ABCA3: variants seen among roughly 807,000 people sequenced by gnomAD.
ABCA3 encodes the protein phospholipid-transporting ATPase ABCA3.
In ABCA3, 88 loss-of-function variants were observed where a neutral mutation model predicts 172.8. The ratio of observed to expected loss-of-function variants is 0.51; its 90% CI spans 0.43 to 0.61. The LOEUF is 0.61. ABCA3 is among the 20% of genes least tolerant of loss of function. The probability of loss-of-function intolerance (pLI) is 0.00; values close to 1 mark genes in which losing one functional copy is unlikely to be tolerated. For missense variants in ABCA3, 2,164 were observed against 2,301.0 expected, an observed-to-expected ratio of 0.94 and a Z score of 1.22; for synonymous variants, 1,066 against 983.8, an observed-to-expected ratio of 1.08 and a Z score of -1.56.
In ABCA3 at chr16:2,279,712, T is replaced by A. The variant is rs2093652166; in HGVS notation, c.4360-582A>T. Among the ~76,000 whole-genome samples, 3 of 152,018 alleles carry A rather than the reference T, an allele frequency of 2.0e-5. No homozygotes were observed. The South Asian group carries it at 6.2e-4, about 32-fold the overall frequency. ...GAGACTGGATTTCTTTTTCTTTACC[T>A]TCCTTCTTTGGGGTTCTCAAGCTTC... On this transcript the variant is annotated intron_variant, in intron 28 of 32. Transcript: ENST00000301732. This position sits in a 1 kb window ranked among gnomAD's most constrained non-coding sequence, Gnocchi z 4.4.
rs1471406725 is a variant in ABCA3 at position 2,285,434 on chromosome 16, G to A, written c.3483+8C>T. On this transcript the variant is annotated splice_region_variant and intron_variant, in intron 23 of 32. Coordinates refer to ENST00000301732, the MANE Select transcript of ABCA3 (RefSeq NM_001089.3). The surrounding 1 kb of genome is among the most constrained non-coding windows in gnomAD (Gnocchi z 4.7). ...AGGGGAACGGATCCAGCACCCTCCG[G>A]CGCTCACCAGCAGCAGCAGACTGGG... The A allele has an allele frequency of 3.1e-6, 5 of 1,603,942 alleles. No homozygotes were observed. The highest frequency in any genetic ancestry group is 1.7e-5 in the Admixed American group (1 of 58,676).
At chr16:2,332,869 T>G in intron 1 of ABCA3, 1 of 545,070 alleles carries the variant, frequency 1.8e-6, no homozygotes, top group Non-Finnish European at 3.3e-6. Flanking sequence ...TGCCGTTGCG[T>G]GAGCAGGGCT....
chr16:2,337,078 A>ATT (rs879431925), intron 1 of ABCA3, among the ~76,000 whole-genome samples: 3 of 130,102 alleles, frequency 2.3e-5, no homozygotes, highest in Non-Finnish European at 3.3e-5. Context: ...ATACCTGGCT[A>ATT]TTTTTTTTTT....
At chr16:2,340,334 A>G (rs1454930191) in intron 1 of ABCA3, among the ~76,000 whole-genome samples, 3 of 151,566 alleles carry the variant, frequency 2.0e-5, no homozygotes, top group African/African-American at 7.3e-5. Context: ...CTCGGATGGG[A>G]GCCGACGCTG....
chr16:2,286,923 C>T lies in ABCA3; in HGVS notation c.3049G>A (p.Gly1017Ser). 6.2e-7 allele frequency: 1 copy of T among 1,613,938 alleles called. No homozygotes were observed. Among genetic ancestry groups the T allele is most frequent in the African/African-American group, 1.3e-5 (1 of 75,022 alleles). Residue 1017 changes from glycine (G) to serine (S), a missense_variant, in exon 22 of 33, where the codon GGC (glycine) becomes AGC (serine). Physicochemically the swap from Gly to Ser is moderately conservative, Grantham distance 56. Around this residue, in one of 3 missense-constraint regions of ABCA3, gnomAD observed 1,343 missense variants for 1,369.6 expected, o/e 0.98. Transcript: ENST00000301732. The surrounding 1 kb of genome is among the most constrained non-coding windows in gnomAD (Gnocchi z 5.2). ...FLIFRASVEG[G>S]GFNERCLVAA... ...ACAAGGCACCGCTCATTAAAGCCGC[C>T]CCCCTCCACAGAAGCCCTGAAGATC...
intron 1 of ABCA3, among the ~76,000 whole-genome samples, chr16:2,335,329 G>C (rs2093750091): frequency 6.6e-6 from 1 of 152,036 alleles, no homozygotes; most frequent in Non-Finnish European, 1.5e-5. Flanking sequence ...TTTGTTTCCT[G>C]TAGGGACAGG....
At chr16:2,324,372 C>G (rs755155091) in intron 6 of ABCA3, 32 bp downstream of exon 6, 29 of 1,565,252 alleles carry the variant, frequency 1.9e-5, no homozygotes, top group African/African-American at 2.7e-5. Flanking sequence ...TGCTGATGGG[C>G]TGTGACTGCT....
intron 26 of ABCA3, among the ~76,000 whole-genome samples, chr16:2,282,113 G>C (rs1269979553): frequency 6.6e-6 from 1 of 152,118 alleles, no homozygotes; most frequent in Non-Finnish European, 1.5e-5. Flanking sequence ...TTTGTTTTCA[G>C]ATTTAGAGAT....
chr16:2,311,948 C>T (rs566209617), intron 10 of ABCA3, among the ~76,000 whole-genome samples: 37 of 152,276 alleles, frequency 2.4e-4, no homozygotes, highest in Admixed American at 1.2e-3. Context: ...TGAGCCACTG[C>T]GCCTGGCCAC....
chr16:2,325,482 A>G (rs1448322943), intron 5 of ABCA3, among the ~76,000 whole-genome samples: 2 of 152,152 alleles, frequency 1.3e-5, no homozygotes, highest in Non-Finnish European at 2.9e-5. Context: ...CGCCGAGAAG[A>G]GATTTGATGC....
Position 2,277,598 on chromosome 16 carries a change from T to G in ABCA3, c.4982A>C (p.Lys1661Thr), listed in dbSNP as rs1402974353. 1 of 1,613,046 alleles carries G rather than the reference T, an allele frequency of 6.2e-7. No homozygotes were observed. Among genetic ancestry groups the G allele is most frequent in the Admixed American group, 1.7e-5 (1 of 60,014 alleles). ...HLPGRDLSWA[K>T]VFGILEKAKE... The stretch of plus-strand genomic sequence containing the variant: ...GTGGGGCCCCAGGGACTGCCTCACC[T>G]TCGCCCAGCTGAGGTCACGGCCCGG... The change falls in exon 32 of 33, where the codon AAG (lysine) becomes ACG (threonine). Residue 1661 changes from lysine to threonine, a missense_variant and splice_region_variant. Transcript: ENST00000301732. This position sits in a 1 kb window ranked among gnomAD's most constrained non-coding sequence, Gnocchi z 5.3.
intron 6 of ABCA3, 107 bp downstream of exon 6, chr16:2,324,297 G>C: frequency 6.8e-7 from 1 of 1,463,426 alleles, no homozygotes; most frequent in South Asian, 1.2e-5. Context: ...CAGGCAGGCA[G>C]AGGTTTAAGG....
rs138340688 is a variant in ABCA3, at chr16:2,281,171, C to T, written c.4215G>A (p.Ala1405=). 31 of 1,613,566 alleles carry T rather than the reference C, an allele frequency of 1.9e-5. No homozygotes were observed. Among genetic ancestry groups the T allele is most frequent in the Admixed American group, 1.2e-4 (7 of 59,992 alleles). ...PLLAVDRLSL[A]VQKGECFGLL... ...GGCCGAAGCACTCCCCTTTCTGCAC[C>T]GCGAGGGAGAGCCTGTCCACGGCCA... The change falls in exon 28 of 33, where the codon GCG becomes GCA. Residue 1405 remains alanine (A), a synonymous_variant. Transcript: ENST00000301732. This position sits in a 1 kb window ranked among gnomAD's most constrained non-coding sequence, Gnocchi z 4.7.
At chr16:2,317,187 G>T in intron 10 of ABCA3, 96 bp downstream of exon 10, 1 of 1,571,546 alleles carries the variant, frequency 6.4e-7, no homozygotes. Flanking sequence ...GCTCCACCAG[G>T]CCACTCTCCC....
At chr16:2,306,483 T>G (rs947312200) in intron 11 of ABCA3, among the ~76,000 whole-genome samples, 1 of 152,178 alleles carries the variant, frequency 6.6e-6, no homozygotes, top group Non-Finnish European at 1.5e-5. Flanking sequence ...CGCTGGACAC[T>G]CCCACCTCCT....
rs571107072 is a variant in ABCA3, at chr16:2,328,872, C to T, written c.-331-115G>A. 7 of 155,082 alleles carry T rather than the reference C, an allele frequency of 4.5e-5. No individual in the cohort carries two copies. In the South Asian group the frequency reaches 1.2e-3, roughly 26 times the overall value. 9.6% of individuals were successfully genotyped at this position (155,082 alleles called of 1,614,324 possible). A position where few individuals can be genotyped will look rare whatever the true frequency, so the allele number is the denominator to read the frequency against. On this transcript the variant is annotated intron_variant, in intron 2 of 32. Transcript: ENST00000301732. The stretch of plus-strand genomic sequence containing the variant: ...GAGCTAGCGCTCCCCGACAATGACC[C>T]GGGAGACTCCAGCGCACGGGGAAGG...
chr16:2,315,839 C>CTTTT (rs536716259), intron 10 of ABCA3, among the ~76,000 whole-genome samples: 804 of 104,846 alleles, frequency 7.7e-3, no homozygotes, highest in Non-Finnish European at 0.01. Flanking sequence ...AATTTTTAAA[C>CTTTT]TTTTTTTTTT....
At position 2,286,726 on chromosome 16, in the gene ABCA3, G is replaced by A. The variant is rs765562055; in HGVS notation, c.3246C>T (p.Ser1082=). Residue 1082 remains serine (S), a synonymous_variant, in exon 22 of 33, where the codon AGC becomes AGT. Coordinates refer to ENST00000301732, the MANE Select transcript of ABCA3 (RefSeq NM_001089.3). This position sits in a 1 kb window ranked among gnomAD's most constrained non-coding sequence, Gnocchi z 5.2. ...ACTGGTCCTTGGCAGCCTGCAGGGC[G>A]CTCCGGGGCTGGGGGAAGTTGGAGA... ...IVVSNFPQPR[S]ALQAAKDQFN... is the part of the protein sequence containing the mutation. 49 of 1,613,634 alleles carry A rather than the reference G, an allele frequency of 3.0e-5. No individual in the cohort carries two copies. The highest frequency in any genetic ancestry group is 1.5e-4 in the Admixed American group (9 of 60,002).
rs2093660867 is a variant in ABCA3, at chr16:2,285,102, G to C, written c.3484-104C>G. Reference sequence around the variant, plus strand: ...TTTGGAGGTCCTCAGACCCCTCCCGGTCAGCTGGCCCATGTCCATCAGCCC... The same window carrying C: ...TTTGGAGGTCCTCAGACCCCTCCCGCTCAGCTGGCCCATGTCCATCAGCCC... On this transcript the variant is annotated intron_variant, in intron 23 of 32. Coordinates refer to ENST00000301732, the MANE Select transcript of ABCA3 (RefSeq NM_001089.3). The surrounding 1 kb of genome is among the most constrained non-coding windows in gnomAD (Gnocchi z 4.7). 5 of 1,303,540 alleles carry C rather than the reference G, an allele frequency of 3.8e-6. No homozygotes were observed. Among genetic ancestry groups the C allele is most frequent in the African/African-American group, 2.9e-5 (2 of 68,256 alleles). The allele number at this position is 1,303,540 out of a possible 1,614,324, so 80.7% of individuals were successfully genotyped here. A position where few individuals can be genotyped will look rare whatever the true frequency, so the allele number is the denominator to read the frequency against.
Sources: allele counts gnomAD v4.1 joint callset (sites outside exome capture counted in the v4.1 genomes callset), GRCh38; gene constraint gnomAD v4.1.1; regional missense constraint gnomAD v4.1.1; non-coding constraint Gnocchi (gnomAD v3.1); transcripts MANE v1.5; gene names NCBI Gene and HGNC (gene_info 2026-07-23, HGNC 2026-07-21).